TMEM132B: variants seen among roughly 807,000 people sequenced by gnomAD.
TMEM132B encodes the protein transmembrane protein 132B.
In TMEM132B, 18 loss-of-function variants were observed where a neutral mutation model predicts 90.8. That is an observed-to-expected ratio of 0.20 (90% CI 0.14 to 0.29). The LOEUF (loss-of-function observed/expected upper bound fraction) is 0.29. Ranked by LOEUF, TMEM132B falls within the 10% of genes least tolerant of loss-of-function variation. TMEM132B has a pLI of 1.00. For synonymous variants in TMEM132B, 504 were observed against 523.3 expected (o/e 0.96, Z 0.50); for missense variants, 1,096 against 1,326.8 (o/e 0.83, Z 2.70).
chr12:125,305,453 G>C (rs12425883), intron 1 of TMEM132B, among the ~76,000 whole-genome samples: 14,161 of 152,018 alleles, frequency 0.093, 695 homozygotes, highest in Non-Finnish European at 0.11. Flanking sequence ...GGGGGGGAAG[G>C]CTGTCTGTTA....
intron 1 of TMEM132B, among the ~76,000 whole-genome samples, chr12:125,315,832 A>G (rs1163738515): frequency 6.6e-6 from 1 of 152,204 alleles, no homozygotes; most frequent in Non-Finnish European, 1.5e-5. Context: ...GCACACCAGC[A>G]GTTTGCAGCC....
chr12:125,318,599 T>C (rs532630102), intron 1 of TMEM132B, among the ~76,000 whole-genome samples: 3 of 152,186 alleles, frequency 2.0e-5, no homozygotes, highest in South Asian at 4.2e-4. Context: ...CTCCCACTTA[T>C]AAGTGAGAAC....
chr12:125,328,808 G>C (rs1054198648), intron 1 of TMEM132B, among the ~76,000 whole-genome samples: 3 of 152,138 alleles, frequency 2.0e-5, no homozygotes, highest in Non-Finnish European at 4.4e-5. Context: ...AGACCGCACT[G>C]GGGCCTCTCC....
intron 4 of TMEM132B, among the ~76,000 whole-genome samples, chr12:125,521,654 C>A (rs1322849463): frequency 6.6e-6 from 1 of 152,158 alleles, no homozygotes; most frequent in African/African-American, 2.4e-5. Context: ...GAGCCCAGGA[C>A]CTGGGGGTCA....
intron 2 of TMEM132B, among the ~76,000 whole-genome samples, chr12:125,370,485 C>T (rs574508980): frequency 2.0e-5 from 3 of 152,226 alleles, no homozygotes; most frequent in Non-Finnish European, 4.4e-5. Flanking sequence ...ACTGTTCTCA[C>T]AATCAAGGCC....
At chr12:125,526,466 T>G (rs534593603) in intron 4 of TMEM132B, among the ~76,000 whole-genome samples, 1 of 152,090 alleles carries the variant, frequency 6.6e-6, no homozygotes, top group South Asian at 2.1e-4. Context: ...GGAATGAGGG[T>G]CTGGCCTTGT....
chr12:125,558,189 A>G (rs1226957847), intron 4 of TMEM132B, among the ~76,000 whole-genome samples: 1 of 152,166 alleles, frequency 6.6e-6, no homozygotes, highest in Non-Finnish European at 1.5e-5. Context: ...TTGTCACTGG[A>G]TGAGTGAATC....
chr12:125,202,538 A>G (rs1873084993), intron 1 of TMEM132B, among the ~76,000 whole-genome samples: 1 of 152,244 alleles, frequency 6.6e-6, no homozygotes, highest in African/African-American at 2.4e-5. Flanking sequence ...TGAGGGCCAC[A>G]GTCCCTTGCT....
intron 3 of TMEM132B, among the ~76,000 whole-genome samples, chr12:125,514,942 C>G (rs1883070730): frequency 6.6e-6 from 1 of 152,092 alleles, no homozygotes; most frequent in African/African-American, 2.4e-5. Flanking sequence ...CTAAAAGGTG[C>G]CTCAGCCCCT....
intron 5 of TMEM132B, among the ~76,000 whole-genome samples, chr12:125,629,315 T>G (rs1886303999): frequency 6.6e-6 from 1 of 152,166 alleles, no homozygotes; most frequent in Non-Finnish European, 1.5e-5. Context: ...CCCTTTAATT[T>G]CTTTCATCAG....
chr12:125,560,542 G>A (rs140775766), intron 4 of TMEM132B, among the ~76,000 whole-genome samples: 2,214 of 152,198 alleles, frequency 0.015, 44 homozygotes, highest in African/African-American at 0.049. Context: ...GTCAGGAAAG[G>A]CCGGGCGCGG....
At chr12:125,352,228 GA>G (rs1405077069) in intron 2 of TMEM132B, among the ~76,000 whole-genome samples, 4 of 152,332 alleles carry the variant, frequency 2.6e-5, no homozygotes, top group African/African-American at 9.6e-5. Flanking sequence ...CATATCAGTG[GA>G]AACCTTGTAA....
At chr12:125,412,111 AC>A in intron 2 of TMEM132B, among the ~76,000 whole-genome samples, 1 of 152,304 alleles carries the variant, frequency 6.6e-6, no homozygotes, top group Middle Eastern at 3.4e-3. Context: ...GCGTTTGCCC[AC>A]TGTGAGAGTC....
chr12:125,609,163 C>T (rs1340419518), intron 5 of TMEM132B, among the ~76,000 whole-genome samples: 1 of 152,122 alleles, frequency 6.6e-6, no homozygotes, highest in Non-Finnish European at 1.5e-5. Context: ...CACTTGGTCC[C>T]GCCCTTGACT....
rs1262182862 is a variant in TMEM132B at position 125,458,585 on chromosome 12, G to A, written c.1106+42908G>A. On this transcript the variant is annotated intron_variant, in intron 3 of 8. Coordinates refer to ENST00000682704, the MANE Select transcript of TMEM132B (RefSeq NM_001366854.1). The surrounding 1 kb of genome is among the most constrained non-coding windows in gnomAD (Gnocchi z 4.9). ...GGATGGTTATGTTGAGAGCAGCCAG[G>A]TGGAGATCAGATCACACATGGAGCT... is the stretch of plus-strand genomic sequence containing the variant. 1.3e-5 allele frequency among the ~76,000 whole-genome samples: 2 copies of A among 152,164 alleles called. No homozygotes were observed. Among genetic ancestry groups the A allele is most frequent in the Non-Finnish European group, 2.9e-5 (2 of 68,020 alleles).
At chr12:125,214,142 C>T (rs1362380364) in intron 1 of TMEM132B, among the ~76,000 whole-genome samples, 2 of 152,158 alleles carry the variant, frequency 1.3e-5, no homozygotes, top group Non-Finnish European at 2.9e-5. Context: ...GTTAGGACTC[C>T]TTCAGTTGCA....
chr12:125,208,812 A>C (rs1419101591), intron 1 of TMEM132B, among the ~76,000 whole-genome samples: 1 of 152,114 alleles, frequency 6.6e-6, no homozygotes, highest in Admixed American at 6.5e-5. Flanking sequence ...CCTGGGTTCC[A>C]TGAAGCCCAT....
rs56147854 is a variant in TMEM132B at position 125,517,327 on chromosome 12, ATTTTTTTTTTTTTTTTTTTTTT to A, written c.1107-2095_1107-2074del. ...AGGCGCCCGCCACCATGCCCTGCTG[ATTTTTTTTTTTTTTTTTTTTTT>A]TTTTTTTTTTTTTTTTGCATTTTTA... On this transcript the variant is annotated intron_variant, in intron 3 of 8. Coordinates refer to ENST00000682704, the MANE Select transcript of TMEM132B (RefSeq NM_001366854.1). Among the ~76,000 whole-genome samples the A allele has an allele frequency of 6.3e-4, 18 of 28,424 alleles. 1 individual carries two copies. The highest frequency in any genetic ancestry group is 2.0e-3 in the Admixed American group (6 of 3,076). The allele number at this position is 28,424 out of a possible 152,430, so 18.6% of individuals were successfully genotyped here. A position where few individuals can be genotyped will look rare whatever the true frequency, so the allele number is the denominator to read the frequency against.
intron 3 of TMEM132B, among the ~76,000 whole-genome samples, chr12:125,518,165 T>A (rs1228576842): frequency 1.3e-5 from 2 of 152,160 alleles, no homozygotes; most frequent in Non-Finnish European, 2.9e-5. Flanking sequence ...GTGCTGTGGC[T>A]GTATTCCAGT....
Sources: allele counts gnomAD v4.1 joint callset (sites outside exome capture counted in the v4.1 genomes callset), GRCh38; gene constraint gnomAD v4.1.1; non-coding constraint Gnocchi (gnomAD v3.1); transcripts MANE v1.5; gene names NCBI Gene and HGNC (gene_info 2026-07-23, HGNC 2026-07-21).